The following CNKSR2 variants were observed in gnomAD, a reference collection of about 807,000 sequenced individuals.
CNKSR2 encodes connector enhancer of kinase suppressor of Ras 2.
Under a neutral mutation model 84.4 loss-of-function variants are expected in CNKSR2, and 14 were observed. The ratio of observed to expected loss-of-function variants is 0.17; its 90% CI spans 0.11 to 0.26. CNKSR2 has a LOEUF of 0.26. CNKSR2 is among the 10% of genes least tolerant of loss of function. The probability of loss-of-function intolerance (pLI) is 1.00; values close to 1 mark genes in which losing one functional copy is unlikely to be tolerated. For missense variants in CNKSR2, 485 were observed against 771.2 expected (o/e 0.63, Z 4.40); for synonymous variants, 275 against 277.9 (o/e 0.99, Z 0.10).
At chrX:21,486,051 G>GA (rs1409453557) in intron 5 of CNKSR2, among the ~76,000 whole-genome samples, 5 of 111,661 alleles carry the variant, frequency 4.5e-5, no homozygotes, top group African/African-American at 1.6e-4. Context: ...AGAATTGCTT[G>GA]AACCCGGGAG....
At chrX:21,443,580 T>C (rs1012191205) in intron 4 of CNKSR2, among the ~76,000 whole-genome samples, 17 of 111,583 alleles carry the variant, frequency 1.5e-4, no homozygotes, top group African/African-American at 5.5e-4. Context: ...TGTTCTTGGT[T>C]ATCGCTGGTT....
chrX:21,405,989 G>A (rs1386183149), intron 1 of CNKSR2, among the ~76,000 whole-genome samples: 1 of 110,357 alleles, frequency 9.1e-6, no homozygotes, highest in African/African-American at 3.3e-5. Flanking sequence ...TAGCAGAGTA[G>A]CATATAGACT....
chrX:21,375,057 G>C (rs1440756604), intron 1 of CNKSR2, 96 bp downstream of exon 1: 1 of 752,362 alleles, frequency 1.3e-6, no homozygotes, highest in Non-Finnish European at 2.1e-6. Flanking sequence ...GCCCGCCACC[G>C]CGGCTTCCAC....
intron 2 of CNKSR2, among the ~76,000 whole-genome samples, chrX:21,430,468 G>C (rs749461622): frequency 3.6e-5 from 4 of 111,423 alleles, no homozygotes; most frequent in Non-Finnish European, 5.7e-5. Context: ...AATAGCTACA[G>C]AGTGAAATAT....
chrX:21,554,183 A>G (rs1227735955), intron 11 of CNKSR2, among the ~76,000 whole-genome samples: 2 of 111,947 alleles, frequency 1.8e-5, no homozygotes, highest in Non-Finnish European at 3.8e-5. Flanking sequence ...TAGCCTTGGA[A>G]TTAGGTGTTA....
In CNKSR2 at chrX:21,546,063, G is replaced by A. The variant is rs142445686; in HGVS notation, c.1303+13996G>A. Among the ~76,000 whole-genome samples, 22 of 110,700 alleles carry A rather than the reference G, an allele frequency of 2.0e-4. No homozygotes were observed. The East Asian group carries it at 4.3e-3, about 22-fold the overall frequency. On this transcript the variant is annotated intron_variant, in intron 11 of 21. Coordinates refer to ENST00000379510, the MANE Select transcript of CNKSR2 (RefSeq NM_014927.5). ...CACCAGCAAGGGAACAAAACTGGAC[G>A]GAAAATGAGTTTGACAAGTTGACAG...
chrX:21,539,168 A>G (rs2091955155), intron 11 of CNKSR2, among the ~76,000 whole-genome samples: 1 of 112,197 alleles, frequency 8.9e-6, no homozygotes, highest in Non-Finnish European at 1.9e-5. Flanking sequence ...CCCATTTGTC[A>G]TGTAGAGTTT....
rs2092077947 is a variant in CNKSR2 at position 21,550,568 on chromosome X, T to C, written c.1304-10903T>C. Among the ~76,000 whole-genome samples the C allele has an allele frequency of 2.7e-5, 3 of 112,290 alleles. No homozygotes were observed. The South Asian group carries it at 1.1e-3, about 41-fold the overall frequency. ...TTGACCCAGCAATCCCATTACTGGG[T>C]ATATACCCAAAGGATAATAAATCAT... On this transcript the variant is annotated intron_variant, in intron 11 of 21. Coordinates refer to ENST00000379510, the MANE Select transcript of CNKSR2 (RefSeq NM_014927.5).
At chrX:21,379,111 G>A (rs969305728) in intron 1 of CNKSR2, among the ~76,000 whole-genome samples, 2 of 112,612 alleles carry the variant, frequency 1.8e-5, no homozygotes, top group Non-Finnish European at 3.8e-5. Context: ...GGAAAATGTA[G>A]TGATTATATA....
chrX:21,376,629 A>C (rs192048537), intron 1 of CNKSR2, among the ~76,000 whole-genome samples: 46 of 112,112 alleles, frequency 4.1e-4, no homozygotes, highest in Non-Finnish European at 7.5e-4. Context: ...TTTCTCAGTG[A>C]TGGAAGAAAG....
At position 21,609,067 on chromosome X, in the gene CNKSR2, A is replaced by G. The variant is rs369307467; in HGVS notation, c.2146-4A>G. On this transcript the variant is annotated splice_polypyrimidine_tract_variant and splice_region_variant and intron_variant, in intron 19 of 21. Transcript: ENST00000379510. ...ACAGACTAATCAGGGGCTCCTTTCTACAGATGAGTTGCGCCAGTCCTTATG... is the reference window on the plus strand; with the variant it reads ...ACAGACTAATCAGGGGCTCCTTTCTGCAGATGAGTTGCGCCAGTCCTTATG... The G allele has an allele frequency of 1.8e-5, 22 of 1,195,954 alleles. No homozygotes were observed. The highest frequency in any genetic ancestry group is 2.3e-5 in the Non-Finnish European group (20 of 888,256).
intron 1 of CNKSR2, among the ~76,000 whole-genome samples, chrX:21,402,608 G>A (rs1381290739): frequency 9.0e-6 from 1 of 110,791 alleles, no homozygotes; most frequent in Non-Finnish European, 1.9e-5. Context: ...AGAGGATAAT[G>A]CTAAAATAGT....
At chrX:21,451,271 T>A (rs895423250) in intron 4 of CNKSR2, among the ~76,000 whole-genome samples, 4 of 111,630 alleles carry the variant, frequency 3.6e-5, no homozygotes, top group African/African-American at 1.3e-4. Context: ...AGACTAAGAC[T>A]AGCAAATAAA....
At chrX:21,488,160 C>G (rs1204964651) in intron 5 of CNKSR2, among the ~76,000 whole-genome samples, 1 of 111,832 alleles carries the variant, frequency 8.9e-6, no homozygotes, top group Admixed American at 9.5e-5. Context: ...AGTGTAGTTA[C>G]TGATCATTGT....
At chrX:21,478,762 G>C (rs2091285088) in intron 5 of CNKSR2, among the ~76,000 whole-genome samples, 1 of 111,387 alleles carries the variant, frequency 9.0e-6, no homozygotes, top group African/African-American at 3.3e-5. Flanking sequence ...TTGAGGGCTT[G>C]GAGTATCTGT....
intron 4 of CNKSR2, among the ~76,000 whole-genome samples, chrX:21,446,722 C>T (rs1170967008): frequency 1.8e-5 from 2 of 111,114 alleles, no homozygotes; most frequent in East Asian, 2.8e-4. Context: ...GATATTATCA[C>T]CATCAATAAT....
At chrX:21,445,350 C>G (rs1256926538) in intron 4 of CNKSR2, among the ~76,000 whole-genome samples, 2 of 110,832 alleles carry the variant, frequency 1.8e-5, no homozygotes, top group Admixed American at 1.9e-4. Context: ...TTATGGAGTA[C>G]AGAGTCATAT....
At chrX:21,577,218 G>A (rs2092324850) in intron 13 of CNKSR2, among the ~76,000 whole-genome samples, 1 of 111,248 alleles carries the variant, frequency 9.0e-6, no homozygotes, top group Non-Finnish European at 1.9e-5. Context: ...ACAGATTACT[G>A]ATAAACTGAA....
intron 5 of CNKSR2, among the ~76,000 whole-genome samples, chrX:21,486,610 A>G (rs2091387577): frequency 1.8e-5 from 2 of 112,086 alleles, no homozygotes; most frequent in Non-Finnish European, 1.9e-5. Context: ...GATAATAAAT[A>G]TGAAGTATTT....
Sources: gnomAD v4.1 joint callset for allele counts (sites outside exome capture counted in the v4.1 genomes callset) on GRCh38, gnomAD v4.1.1 for gene constraint, MANE v1.5 for transcripts, NCBI Gene and HGNC (gene_info 2026-07-23, HGNC 2026-07-21) for gene names.